Variants in ANAPC5 observed in about 807,000 individuals in gnomAD.
ANAPC5 encodes the protein anaphase-promoting complex subunit 5.
A neutral mutation model predicts 91.3 loss-of-function variants in ANAPC5; 60 were observed. That is an observed-to-expected ratio of 0.66 (90% CI 0.53 to 0.81). ANAPC5 has a LOEUF of 0.81. Ranked by LOEUF, ANAPC5 falls within the 40% of genes least tolerant of loss-of-function variation. ANAPC5 has a pLI of 0.00. For synonymous variants in ANAPC5, 340 were observed against 364.1 expected (o/e 0.93, Z 0.75); for missense variants, 690 against 931.5 (o/e 0.74, Z 3.37).
intron 1 of ANAPC5, among the ~76,000 whole-genome samples, chr12:121,349,011 T>C (rs1188759793): frequency 6.6e-6 from 1 of 152,178 alleles, no homozygotes; most frequent in African/African-American, 2.4e-5. Context: ...ACGCCTGTAA[T>C]ACCAGCGCCT....
chr12:121,347,591 A>G (rs1339120278), intron 2 of ANAPC5: 2 of 549,350 alleles, frequency 3.6e-6, no homozygotes, highest in African/African-American at 1.9e-5. Flanking sequence ...TGATTGCACC[A>G]TTGTACTCCA....
chr12:121,328,258 T>A, intron 10 of ANAPC5, 58 bp downstream of exon 10: 1 of 1,542,022 alleles, frequency 6.5e-7, no homozygotes, highest in South Asian at 1.1e-5. Flanking sequence ...CAGAACCAGC[T>A]TGCTAGCTCC....
At chr12:121,331,316 C>T (rs782677803) in intron 8 of ANAPC5, 31 bp downstream of exon 8, 1 of 1,563,454 alleles carries the variant, frequency 6.4e-7, no homozygotes, top group South Asian at 1.1e-5. Flanking sequence ...AACCCGTGAA[C>T]AAAACTCCCA....
At chr12:121,326,490 T>C (rs1213377983) in intron 11 of ANAPC5, 1 of 152,204 alleles carries the variant, frequency 6.6e-6, no homozygotes, top group Non-Finnish European at 1.5e-5. Context: ...ATAAAGAGAA[T>C]CTCGTCAAAT....
intron 3 of ANAPC5, 159 bp from the exon 4 acceptor site, chr12:121,346,190 TC>T: frequency 1.6e-6 from 1 of 607,196 alleles, no homozygotes; most frequent in Non-Finnish European, 2.8e-6. Flanking sequence ...GGAATGTTCT[TC>T]CCCAGTCCTT....
At chr12:121,312,489 G>A (rs950078364) in intron 15 of ANAPC5, among the ~76,000 whole-genome samples, 1 of 151,386 alleles carries the variant, frequency 6.6e-6, no homozygotes, top group African/African-American at 2.4e-5. Flanking sequence ...GGCAGATCAT[G>A]AGGTCAGGAG....
At chr12:121,315,075 C>T (rs1211098809) in intron 15 of ANAPC5, among the ~76,000 whole-genome samples, 2 of 151,212 alleles carry the variant, frequency 1.3e-5, no homozygotes, top group African/African-American at 4.9e-5. Context: ...CATACAAAAC[C>T]ATAAAAAAAA....
intron 9 of ANAPC5, chr12:121,328,716 C>A (rs116050005): frequency 2.2e-6 from 1 of 460,150 alleles, no homozygotes; most frequent in Non-Finnish European, 3.9e-6. Context: ...CGGGAAAGAG[C>A]CAGCAGGGCT....
At chr12:121,311,766 G>A (rs1039003765) in intron 15 of ANAPC5, among the ~76,000 whole-genome samples, 2 of 152,174 alleles carry the variant, frequency 1.3e-5, no homozygotes, top group African/African-American at 4.8e-5. Context: ...TCAGGCAGTT[G>A]AGGGTGCAGT....
chr12:121,311,583 T>C (rs1483424048), intron 15 of ANAPC5, among the ~76,000 whole-genome samples: 1 of 152,040 alleles, frequency 6.6e-6, no homozygotes, highest in Non-Finnish European at 1.5e-5. Flanking sequence ...CTGTAATCCC[T>C]GCACTTTGGG....
At chr12:121,344,454 C>T (rs1438214218) in intron 4 of ANAPC5, among the ~76,000 whole-genome samples, 1 of 151,810 alleles carries the variant, frequency 6.6e-6, no homozygotes, top group Non-Finnish European at 1.5e-5. Flanking sequence ...CTGGTGGGCA[C>T]CTGTAATCCC....
chr12:121,314,768 G>A (rs1593574188), intron 15 of ANAPC5, among the ~76,000 whole-genome samples: 1 of 151,854 alleles, frequency 6.6e-6, no homozygotes, highest in Admixed American at 6.6e-5. Flanking sequence ...GGGATTACAG[G>A]CATGCACCAC....
intron 9 of ANAPC5, 81 bp from the exon 10 acceptor site, chr12:121,328,578 T>C: frequency 7.4e-7 from 1 of 1,349,038 alleles, no homozygotes; most frequent in Non-Finnish European, 1.0e-6. Context: ...TGTGGTGGAT[T>C]TCACATTTCA....
chr12:121,327,589 G>A (rs1247396368), intron 10 of ANAPC5: 4 of 239,274 alleles, frequency 1.7e-5, no homozygotes, highest in Non-Finnish European at 2.4e-5. Context: ...GGCAATGTAA[G>A]CAGTGGCCAG....
At chr12:121,351,181 G>A (rs1382316652) in intron 1 of ANAPC5, 1 of 397,492 alleles carries the variant, frequency 2.5e-6, no homozygotes, top group Non-Finnish European at 5.0e-6. Context: ...GGCCAGCCTG[G>A]GTAACATGGC....
chr12:121,349,057 G>A (rs1311384045), intron 1 of ANAPC5, among the ~76,000 whole-genome samples: 1 of 152,214 alleles, frequency 6.6e-6, no homozygotes, highest in African/African-American at 2.4e-5. Flanking sequence ...TTGAGGTCAG[G>A]AGTTCGAGAC....
chr12:121,352,209 C>T lies in ANAPC5; in HGVS notation c.132G>A (p.Met44Ile), dbSNP rs141004861. The change falls in exon 1 of 17, where the codon ATG becomes ATA. Residue 44 changes from methionine (M) to isoleucine (I), a missense_variant. Met to Ile is a conservative substitution (Grantham distance 10, BLOSUM62 1). This residue lies in a region of ANAPC5 where 238 missense variants were observed against 264.9 expected (regional missense o/e 0.90). Transcript: ENST00000261819. ...TGACGGCGCCCTCGCCTGTGCGGCT[C>T]ATCTCGTTCAGCAGCACCAGCACCG... is the stretch of plus-strand genomic sequence containing the variant. ...KIAVLVLLNE[M>I]SRTGEGAVSL... is the part of the protein sequence containing the mutation. 1.3e-4 allele frequency: 214 copies of T among 1,614,136 alleles called. No individual in the cohort carries two copies. Among genetic ancestry groups the T allele is most frequent in the Non-Finnish European group, 1.8e-4 (207 of 1,180,010 alleles).
At chr12:121,352,072 G>T in intron 1 of ANAPC5, 62 bp downstream of exon 1, 1 of 1,469,086 alleles carries the variant, frequency 6.8e-7, no homozygotes. Context: ...CCAGGGTTCC[G>T]CACAGAGCAG....
intron 4 of ANAPC5, among the ~76,000 whole-genome samples, chr12:121,344,675 C>G (rs1250467987): frequency 1.3e-5 from 2 of 151,930 alleles, no homozygotes; most frequent in Non-Finnish European, 2.9e-5. Context: ...GAGCTGTGAT[C>G]TGAAAGGTGA....
Sources: allele counts gnomAD v4.1 joint callset (sites outside exome capture counted in the v4.1 genomes callset), GRCh38; gene constraint gnomAD v4.1.1; regional missense constraint gnomAD v4.1.1; transcripts MANE v1.5; gene names NCBI Gene and HGNC (gene_info 2026-07-23, HGNC 2026-07-21).